Variants in HCN1 observed in about 807,000 individuals in gnomAD.
The protein encoded by HCN1 is hyperpolarization activated cyclic nucleotide gated potassium channel 1.
Under a neutral mutation model 78.9 loss-of-function variants are expected in HCN1, and 13 were observed. The observed-to-expected ratio is 0.16, with a 90% CI of 0.11 to 0.26. The LOEUF (loss-of-function observed/expected upper bound fraction) is 0.26, where lower values mean the gene tolerates loss of function less well. HCN1 is among the 10% of genes least tolerant of loss of function. The pLI, the probability that HCN1 is intolerant of heterozygous loss-of-function variation, is 1.00. For missense variants in HCN1, 810 were observed against 1,154.3 expected, an observed-to-expected ratio of 0.70 and a Z score of 4.32; for synonymous variants, 552 against 455.5, an observed-to-expected ratio of 1.21 and a Z score of -2.70.
chr5:45,628,657 G>A (rs896248608), intron 2 of HCN1, among the ~76,000 whole-genome samples: 39 of 152,102 alleles, frequency 2.6e-4, no homozygotes, highest in African/African-American at 9.4e-4. Context: ...TCTACAAAAA[G>A]CTCACTTGAA....
intron 1 of HCN1, among the ~76,000 whole-genome samples, chr5:45,666,322 C>T (rs1746047871): frequency 6.6e-6 from 1 of 152,034 alleles, no homozygotes; most frequent in Non-Finnish European, 1.5e-5. Flanking sequence ...TGAAACATAG[C>T]AATGTGTCCT....
At chr5:45,389,359 T>C (rs1368833518) in intron 4 of HCN1, among the ~76,000 whole-genome samples, 1 of 152,174 alleles carries the variant, frequency 6.6e-6, no homozygotes, top group Non-Finnish European at 1.5e-5. Context: ...GTATTCCATA[T>C]GAATCAAGTA....
chr5:45,484,373 G>A (rs1385789146), intron 2 of HCN1, among the ~76,000 whole-genome samples: 2 of 152,098 alleles, frequency 1.3e-5, no homozygotes, highest in Admixed American at 1.3e-4. Context: ...GGTGGAGCTT[G>A]CAGTAAGCCA....
intron 2 of HCN1, among the ~76,000 whole-genome samples, chr5:45,524,573 G>A (rs917786849): frequency 2.6e-5 from 4 of 152,014 alleles, no homozygotes; most frequent in South Asian, 2.1e-4. Context: ...GGTCCTTCAT[G>A]TCCCTTGTAA....
At chr5:45,349,583 G>T (rs1217489571) in intron 5 of HCN1, among the ~76,000 whole-genome samples, 1 of 152,078 alleles carries the variant, frequency 6.6e-6, no homozygotes, top group Non-Finnish European at 1.5e-5. Context: ...AAGAATGCAG[G>T]AGCTGGTTTT....
intron 1 of HCN1, among the ~76,000 whole-genome samples, chr5:45,659,020 G>T (rs1424758302): frequency 6.6e-6 from 1 of 151,320 alleles, no homozygotes; most frequent in Non-Finnish European, 1.5e-5. Flanking sequence ...CAAACAAAAA[G>T]ACAGCAGTAA....
chr5:45,434,212 C>G (rs1740520399), intron 3 of HCN1, among the ~76,000 whole-genome samples: 1 of 152,164 alleles, frequency 6.6e-6, no homozygotes, highest in Non-Finnish European at 1.5e-5. Flanking sequence ...AACCTATTTT[C>G]TCTCTTTTAC....
At chr5:45,648,424 T>G (rs1304749452) in intron 1 of HCN1, among the ~76,000 whole-genome samples, 3 of 152,166 alleles carry the variant, frequency 2.0e-5, no homozygotes, top group Non-Finnish European at 4.4e-5. Context: ...TAGGAAACTC[T>G]GTTAAACCCC....
chr5:45,358,993 C>T (rs1292751223), intron 4 of HCN1, among the ~76,000 whole-genome samples: 1 of 152,100 alleles, frequency 6.6e-6, no homozygotes, highest in Non-Finnish European at 1.5e-5. Context: ...GACAATCTGT[C>T]TTGCCATGCC....
chr5:45,483,206 A>T (rs1579922380), intron 2 of HCN1, among the ~76,000 whole-genome samples: 1 of 152,160 alleles, frequency 6.6e-6, no homozygotes, highest in African/African-American at 2.4e-5. Flanking sequence ...CAGTGGCTGG[A>T]CTAATTTACA....
chr5:45,416,105 T>G (rs1318002193), intron 3 of HCN1, among the ~76,000 whole-genome samples: 1 of 152,012 alleles, frequency 6.6e-6, no homozygotes, highest in Non-Finnish European at 1.5e-5. Flanking sequence ...TTCTCCCAAT[T>G]GATATATGTA....
intron 2 of HCN1, among the ~76,000 whole-genome samples, chr5:45,546,060 G>A (rs979227022): frequency 2.0e-5 from 3 of 151,922 alleles, no homozygotes; most frequent in Non-Finnish European, 4.4e-5. Flanking sequence ...ATCTACATTT[G>A]TAACTTCACC....
chr5:45,379,634 C>G (rs946307692), intron 4 of HCN1, among the ~76,000 whole-genome samples: 1 of 151,930 alleles, frequency 6.6e-6, no homozygotes, highest in Non-Finnish European at 1.5e-5. Context: ...CTTAAGAATA[C>G]AAATAAAACA....
At chr5:45,538,524 TAGTA>T (rs909838508) in intron 2 of HCN1, among the ~76,000 whole-genome samples, 20 of 152,158 alleles carry the variant, frequency 1.3e-4, no homozygotes, top group Non-Finnish European at 2.4e-4. Flanking sequence ...CAAGGTTACA[TAGTA>T]AGTAAGTGAT....
At chr5:45,578,659 C>A (rs1743995856) in intron 2 of HCN1, among the ~76,000 whole-genome samples, 1 of 151,902 alleles carries the variant, frequency 6.6e-6, no homozygotes, top group South Asian at 2.1e-4. Context: ...TTTACTAACC[C>A]ACTTAGTTCT....
Position 45,262,594 on chromosome 5 carries a change from A to C in HCN1, c.2000T>G (p.Val667Gly). The C allele has an allele frequency of 6.2e-7, 1 of 1,613,806 alleles. No homozygotes were observed. Among genetic ancestry groups the C allele is most frequent in the Non-Finnish European group, 8.5e-7 (1 of 1,179,980 alleles). The change falls in exon 8 of 8, where the codon GTG becomes GGG. Residue 667 changes from valine to glycine, a missense_variant. This residue lies in a region of HCN1 where 398 missense variants were observed against 381.3 expected (regional missense o/e 1.04). Coordinates refer to ENST00000303230, the MANE Select transcript of HCN1 (RefSeq NM_021072.4). The part of the protein sequence containing the change: ...TSRMRTQSPP[V>G]YTATSLSHSN... ...GTGAGACAGGCTGGTCGCTGTGTAC[A>C]CCGGTGGAGATTGTGTCCTCATGCG...
chr5:45,680,215 G>A (rs144781007), intron 1 of HCN1, among the ~76,000 whole-genome samples: 126 of 152,176 alleles, frequency 8.3e-4, no homozygotes, highest in African/African-American at 2.7e-3. Flanking sequence ...CTTAGAAGAC[G>A]TGCAATTCTA....
In HCN1 at chr5:45,295,980, T is replaced by C. The variant is rs529745724; in HGVS notation, c.1618+7619A>G. ...ATCTTCTTTGATGTCTAAAACTGCA[T>C]GTTGATATTCAAAGTAATGTAAACT... On this transcript the variant is annotated intron_variant, in intron 6 of 7. Transcript: ENST00000303230. 2.0e-5 allele frequency among the ~76,000 whole-genome samples: 3 copies of C among 152,028 alleles called. No individual in the cohort carries two copies. The East Asian group carries it at 5.8e-4, about 29-fold the overall frequency.
intron 1 of HCN1, among the ~76,000 whole-genome samples, chr5:45,686,511 C>A (rs1739812115): frequency 6.6e-6 from 1 of 152,186 alleles, no homozygotes; most frequent in Non-Finnish European, 1.5e-5. Flanking sequence ...AATTGCACCA[C>A]AATCTTTATT....
Sources: allele counts gnomAD v4.1 joint callset (sites outside exome capture counted in the v4.1 genomes callset), GRCh38; gene constraint gnomAD v4.1.1; regional missense constraint gnomAD v4.1.1; transcripts MANE v1.5; gene names NCBI Gene and HGNC (gene_info 2026-07-23, HGNC 2026-07-21).